Variants in CACNA2D2 observed in about 807,000 individuals in gnomAD.
The protein encoded by CACNA2D2 is calcium voltage-gated channel auxiliary subunit alpha2delta 2.
In CACNA2D2, 48 loss-of-function variants were observed where a neutral mutation model predicts 166.4. That is an observed-to-expected ratio of 0.29 (90% CI 0.23 to 0.37). The LOEUF (loss-of-function observed/expected upper bound fraction) is 0.37, where lower values mean the gene tolerates loss of function less well. Among genes scored for constraint, CACNA2D2 ranks in the 10% least tolerant of loss-of-function variants. CACNA2D2 has a pLI of 1.00. For synonymous variants in CACNA2D2, 561 were observed against 573.7 expected (o/e 0.98, Z 0.32); for missense variants, 1,122 against 1,433.0 (o/e 0.78, Z 3.50).
At chr3:50,454,896 T>C (rs1434534515) in intron 2 of CACNA2D2, among the ~76,000 whole-genome samples, 1 of 152,160 alleles carries the variant, frequency 6.6e-6, no homozygotes, top group African/African-American at 2.4e-5. Context: ...GAACACTGCC[T>C]GCTGCACTGG....
intron 3 of CACNA2D2, among the ~76,000 whole-genome samples, chr3:50,429,948 A>G (rs1351701490): frequency 6.6e-6 from 1 of 152,096 alleles, no homozygotes; most frequent in East Asian, 1.9e-4. Flanking sequence ...CCAATGTGCA[A>G]CCAGGGTTCA....
intron 3 of CACNA2D2, among the ~76,000 whole-genome samples, chr3:50,417,573 C>T (rs1024641312): frequency 6.6e-6 from 1 of 152,192 alleles, no homozygotes; most frequent in Non-Finnish European, 1.5e-5. Context: ...CCCACAGATC[C>T]TCAGGAAGCT....
At chr3:50,478,483 C>T (rs1024290726) in intron 1 of CACNA2D2, among the ~76,000 whole-genome samples, 1 of 152,228 alleles carries the variant, frequency 6.6e-6, no homozygotes, top group Non-Finnish European at 1.5e-5. Context: ...CAGCCACTCA[C>T]TGGTGTAGAG....
At chr3:50,405,559 C>A (rs1706667639) in intron 3 of CACNA2D2, among the ~76,000 whole-genome samples, 1 of 152,194 alleles carries the variant, frequency 6.6e-6, no homozygotes, top group African/African-American at 2.4e-5. Flanking sequence ...CCAGGCATAA[C>A]CTTGAGTAAT....
At chr3:50,421,756 T>TC (rs1010497192) in intron 3 of CACNA2D2, among the ~76,000 whole-genome samples, 1 of 152,008 alleles carries the variant, frequency 6.6e-6, no homozygotes, top group African/African-American at 2.4e-5. Context: ...CAGAAAAGCT[T>TC]CAAGCCCCTC....
intron 3 of CACNA2D2, among the ~76,000 whole-genome samples, chr3:50,418,398 G>C (rs546542850): frequency 6.6e-6 from 1 of 152,182 alleles, no homozygotes; most frequent in Non-Finnish European, 1.5e-5. Context: ...AGGCCCCTGT[G>C]CAAGCCCCTT....
intron 1 of CACNA2D2, among the ~76,000 whole-genome samples, chr3:50,489,697 C>T (rs1185304063): frequency 1.3e-5 from 2 of 152,194 alleles, no homozygotes; most frequent in African/African-American, 2.4e-5. Context: ...TCAACTCCTG[C>T]CCCTTACCTC....
chr3:50,455,125 C>A (rs941076379), intron 2 of CACNA2D2, among the ~76,000 whole-genome samples: 1 of 152,212 alleles, frequency 6.6e-6, no homozygotes, highest in Admixed American at 6.5e-5. Context: ...ACCAAAGGTC[C>A]AAAGTCCCTG....
chr3:50,367,597 T>G lies in CACNA2D2; in HGVS notation c.2297+45A>C. On this transcript the variant is annotated intron_variant, in intron 26 of 37. Coordinates refer to ENST00000424201, the MANE Select transcript of CACNA2D2 (RefSeq NM_006030.4). The surrounding 1 kb of genome is among the most constrained non-coding windows in gnomAD (Gnocchi z 6.5). ...GGCCTCTGGGCAGAACAGATGCAGG[T>G]TCCCTGGCAGGGGCAGGGTTTGGGT... The G allele has an allele frequency of 6.2e-7, 1 of 1,606,282 alleles. No individual in the cohort carries two copies.
At chr3:50,402,575 C>G (rs951342249) in intron 3 of CACNA2D2, among the ~76,000 whole-genome samples, 1 of 152,220 alleles carries the variant, frequency 6.6e-6, no homozygotes, top group African/African-American at 2.4e-5. Flanking sequence ...ATGAAGGCAC[C>G]TCACCCTCAA....
Position 50,476,172 on chromosome 3 carries a change from C to T in CACNA2D2, c.234G>A (p.Glu78=), listed in dbSNP as rs184231458. The change falls in exon 2 of 38, where the codon GAG becomes GAA. Residue 78 remains glutamate, a synonymous_variant. Transcript: ENST00000424201. The stretch of plus-strand genomic sequence containing the variant: ...TCCGCATCACGCCGTCGACCTCCTG[C>T]TCCAGACGCCGGGCCCAGTGCTGCA... The part of the protein sequence containing the change: ...HTMQHWARRL[E]QEVDGVMRIF... 1.3e-6 allele frequency: 2 copies of T among 1,599,360 alleles called. No homozygotes were observed. The highest frequency in any genetic ancestry group is 1.7e-6 in the Non-Finnish European group (2 of 1,173,828).
intron 5 of CACNA2D2, among the ~76,000 whole-genome samples, chr3:50,385,537 C>T (rs930744345): frequency 2.0e-5 from 3 of 152,210 alleles, no homozygotes; most frequent in African/African-American, 7.2e-5. Context: ...CCTCTCCACC[C>T]AGCCAGATGC....
At chr3:50,478,807 T>C (rs566702438) in intron 1 of CACNA2D2, among the ~76,000 whole-genome samples, 12 of 152,298 alleles carry the variant, frequency 7.9e-5, no homozygotes, top group East Asian at 1.9e-4. Context: ...CCTGAGGAGC[T>C]TGAAATAGGT....
At chr3:50,434,563 G>C in intron 2 of CACNA2D2, 134 bp from the exon 3 acceptor site, 3 of 702,488 alleles carry the variant, frequency 4.3e-6, no homozygotes, top group Non-Finnish European at 7.5e-6. Context: ...TGGCCTCTGA[G>C]AGAGGGCATG....
intron 3 of CACNA2D2, among the ~76,000 whole-genome samples, chr3:50,411,661 A>C (rs1331407199): frequency 1.3e-5 from 2 of 152,240 alleles, no homozygotes; most frequent in Non-Finnish European, 2.9e-5. Context: ...GCTCAAAACA[A>C]TGTAGTGAGT....
intron 3 of CACNA2D2, among the ~76,000 whole-genome samples, chr3:50,400,772 G>A (rs181466618): frequency 1.9e-4 from 29 of 152,310 alleles, no homozygotes; most frequent in African/African-American, 6.5e-4. Flanking sequence ...GCCCCTTGGC[G>A]CATCTACGCT....
At chr3:50,468,417 G>GTC (rs1478396339) in intron 2 of CACNA2D2, among the ~76,000 whole-genome samples, 1 of 149,376 alleles carries the variant, frequency 6.7e-6, no homozygotes, top group Non-Finnish European at 1.5e-5. Context: ...GTGTGTGTGT[G>GTC]TGTGTGTGTG....
chr3:50,410,860 C>T (rs1403423581), intron 3 of CACNA2D2, among the ~76,000 whole-genome samples: 2 of 152,188 alleles, frequency 1.3e-5, no homozygotes, highest in Non-Finnish European at 2.9e-5. Context: ...GGGTGGAGGG[C>T]CTGGAGTTAG....
intron 2 of CACNA2D2, among the ~76,000 whole-genome samples, chr3:50,446,404 G>T (rs1395378163): frequency 1.3e-5 from 2 of 152,228 alleles, no homozygotes; most frequent in Non-Finnish European, 2.9e-5. Context: ...GGAATTCAAT[G>T]ACTACATGGA....
Sources: gnomAD v4.1 joint callset for allele counts (sites outside exome capture counted in the v4.1 genomes callset) on GRCh38, gnomAD v4.1.1 for gene constraint, Gnocchi (gnomAD v3.1) non-coding constraint, MANE v1.5 for transcripts, NCBI Gene and HGNC (gene_info 2026-07-23, HGNC 2026-07-21) for gene names.